Variants in KLRG1 observed in about 807,000 individuals in gnomAD.
The protein encoded by KLRG1 is killer cell lectin-like receptor subfamily G member 1.
In KLRG1, 16 loss-of-function variants were observed where a neutral mutation model predicts 21.8. The ratio of observed to expected loss-of-function variants is 0.73; its 90% confidence interval spans 0.50 to 1.11. The LOEUF (loss-of-function observed/expected upper bound fraction) is 1.11, where lower values mean the gene tolerates loss of function less well. Ranked by LOEUF, KLRG1 falls within the 50% of genes most tolerant of loss-of-function variation. KLRG1 has a pLI of 0.00. For synonymous variants in KLRG1, 69 were observed against 75.9 expected, an observed-to-expected ratio of 0.91 and a Z score of 0.47; for missense variants, 173 against 218.3, an observed-to-expected ratio of 0.79 and a Z score of 1.31.
chr12:8,987,839 T>A (rs1946869443), upstream of KLRG1, among the ~76,000 whole-genome samples: 1 of 152,236 alleles, frequency 6.6e-6, no homozygotes, highest in Non-Finnish European at 1.5e-5. Flanking sequence ...CAGGATTTCC[T>A]TTCTAAGACT....
chr12:9,137,390 G>C, the KLRG1 span, among the ~76,000 whole-genome samples: 1 of 151,986 alleles, frequency 6.6e-6, no homozygotes, highest in Non-Finnish European at 1.5e-5. Context: ...ATGTTTATCT[G>C]TCTTTATGCC....
the KLRG1 span, among the ~76,000 whole-genome samples, chr12:9,137,869 A>G: frequency 6.6e-6 from 1 of 152,060 alleles, no homozygotes; most frequent in Non-Finnish European, 1.5e-5. Flanking sequence ...TTGATTTTGT[A>G]GCTTGCAATC....
At chr12:9,181,084 G>A in the KLRG1 span, 1 of 1,614,156 alleles carries the variant, frequency 6.2e-7, no homozygotes, top group Non-Finnish European at 8.5e-7. Flanking sequence ...ACTTGCAGGT[G>A]GGCATGTGAG....
the KLRG1 span, among the ~76,000 whole-genome samples, chr12:9,015,957 A>T: frequency 2.6e-5 from 4 of 152,190 alleles, no homozygotes; most frequent in Non-Finnish European, 4.4e-5. Context: ...AACTTCTGAA[A>T]ATAAATGATA....
At chr12:9,203,490 T>C in the KLRG1 span, among the ~76,000 whole-genome samples, 8 of 152,094 alleles carry the variant, frequency 5.3e-5, no homozygotes, top group East Asian at 7.8e-4. Flanking sequence ...TACGGGCGCC[T>C]GCCACTACGC....
chr12:9,209,429 T>TTATATA, the KLRG1 span, among the ~76,000 whole-genome samples: 1 of 151,178 alleles, frequency 6.6e-6, no homozygotes, highest in East Asian at 1.9e-4. Context: ...TTATGAAATG[T>TTATATA]TATATATATA....
chr12:9,198,500 A>G, the KLRG1 span, among the ~76,000 whole-genome samples: 1 of 152,196 alleles, frequency 6.6e-6, no homozygotes, highest in Non-Finnish European at 1.5e-5. Context: ...CAAATCTAAC[A>G]CAAAATGCAC....
At chr12:9,081,916 C>A in the KLRG1 span, among the ~76,000 whole-genome samples, 1 of 152,188 alleles carries the variant, frequency 6.6e-6, no homozygotes, top group African/African-American at 2.4e-5. Context: ...TTCAGAGATA[C>A]CAGCCAACTG....
chr12:9,200,901 C>T, the KLRG1 span: 1 of 1,611,882 alleles, frequency 6.2e-7, no homozygotes, highest in African/African-American at 1.3e-5. Context: ...CCAAATTCCT[C>T]CACGGTGAAG....
At chr12:9,082,790 T>C in the KLRG1 span, among the ~76,000 whole-genome samples, 1 of 152,168 alleles carries the variant, frequency 6.6e-6, no homozygotes, top group African/African-American at 2.4e-5. Context: ...AATATATAAA[T>C]ACAAAATTAA....
intron 1 of KLRG1, among the ~76,000 whole-genome samples, chr12:8,960,071 G>T (rs1946358147): frequency 6.6e-6 from 1 of 152,296 alleles, no homozygotes. Context: ...AAAATATATG[G>T]AACAATGGCT....
At chr12:8,983,729 A>T (rs2137299150) in intron 1 of KLRG1, among the ~76,000 whole-genome samples, 1 of 152,108 alleles carries the variant, frequency 6.6e-6, no homozygotes, top group East Asian at 1.9e-4. Context: ...ATGACATCTC[A>T]TTGCTTTTCT....
chr12:9,034,482 G>T, the KLRG1 span, among the ~76,000 whole-genome samples: 1 of 150,434 alleles, frequency 6.6e-6, no homozygotes, highest in Non-Finnish European at 1.5e-5. Context: ...TTTCACTCTT[G>T]TCACCCAGGC....
At chr12:9,122,244 A>G in the KLRG1 span, among the ~76,000 whole-genome samples, 1 of 152,320 alleles carries the variant, frequency 6.6e-6, no homozygotes, top group African/African-American at 2.4e-5. Flanking sequence ...TTACAGGATT[A>G]CTTTTCCTTT....
the KLRG1 span, chr12:9,150,622 G>A: frequency 6.7e-7 from 1 of 1,494,022 alleles, no homozygotes; most frequent in Non-Finnish European, 9.3e-7. Flanking sequence ...GGTTAAGATT[G>A]TTTCATTTTT....
chr12:9,043,634 T>C, the KLRG1 span, among the ~76,000 whole-genome samples: 2 of 152,212 alleles, frequency 1.3e-5, no homozygotes, highest in Non-Finnish European at 2.9e-5. Flanking sequence ...GCCACAATAA[T>C]ATCTCCAACC....
chr12:9,063,103 C>G, the KLRG1 span, among the ~76,000 whole-genome samples: 2,451 of 152,260 alleles, frequency 0.016, 67 homozygotes, highest in African/African-American at 0.056. Context: ...CTCTTGGCCT[C>G]AAATGATCCT....
At chr12:9,156,978 G>C in the KLRG1 span, among the ~76,000 whole-genome samples, 1 of 151,774 alleles carries the variant, frequency 6.6e-6, no homozygotes, top group East Asian at 1.9e-4. Context: ...AGGATGTGCA[G>C]GTTTGTTACA....
the KLRG1 span, chr12:9,148,817 T>G: frequency 1.6e-6 from 1 of 629,212 alleles, no homozygotes; most frequent in Non-Finnish European, 2.7e-6. Flanking sequence ...TAATGTCTGA[T>G]GAATGAATGA....
Sources: allele counts gnomAD v4.1 joint callset (sites outside exome capture counted in the v4.1 genomes callset), GRCh38; gene constraint gnomAD v4.1.1; transcripts MANE v1.5; gene names NCBI Gene and HGNC (gene_info 2026-07-23, HGNC 2026-07-21).